The following SATB1 variants were observed in gnomAD, a reference collection of about 807,000 sequenced individuals.
SATB1 encodes DNA-binding protein SATB1.
SATB1 carries 11 observed loss-of-function variants against 86.9 expected under a neutral mutation model. The ratio of observed to expected loss-of-function variants is 0.13; its 90% CI spans 0.08 to 0.21. SATB1 has a LOEUF of 0.21. Among genes scored for constraint, SATB1 ranks in the 10% least tolerant of loss-of-function variants. The pLI is 1.00. For synonymous variants in SATB1, 357 were observed against 357.2 expected (o/e 1.00, Z 0.01); for missense variants, 551 against 937.6 (o/e 0.59, Z 5.39).
At chr3:18,368,703 CA>C (rs112784731) in intron 9 of SATB1, among the ~76,000 whole-genome samples, 199 of 151,972 alleles carry the variant, frequency 1.3e-3, no homozygotes, top group African/African-American at 4.5e-3. Context: ...AGTCATAAAA[CA>C]AAAATAAAGA....
At position 18,345,592 on chromosome 3, in the gene SATB1, T is replaced by G. The variant is rs1234711150; in HGVS notation, c.*3578A>C. On this transcript the variant is annotated 3_prime_UTR_variant, in exon 11 of 11. Transcript: ENST00000338745. ...AAAAGGATTGCCTCAGAAGAAACAT[T>G]GAATTCATAAGCCCTCTTAAAAAGT... 2.0e-5 allele frequency: 3 copies of G among 152,066 alleles called. No homozygotes were observed. Among genetic ancestry groups the G allele is most frequent in the Non-Finnish European group, 4.4e-5 (3 of 67,946 alleles). The allele number at this position is 152,066 out of a possible 1,614,324, so 9.4% of individuals were successfully genotyped here.
chr3:18,358,891 TA>T, intron 9 of SATB1, among the ~76,000 whole-genome samples: 1 of 152,112 alleles, frequency 6.6e-6, no homozygotes, highest in Middle Eastern at 3.4e-3. Context: ...ACTGGGGTAA[TA>T]ATAGGACATA....
chr3:18,444,278 A>T lies in SATB1; in HGVS notation c.-25+1240T>A, dbSNP rs1264751670. Among the ~76,000 whole-genome samples the T allele has an allele frequency of 6.6e-6, 1 of 151,784 alleles. No homozygotes were observed. Among genetic ancestry groups the T allele is most frequent in the Non-Finnish European group, 1.5e-5 (1 of 67,972 alleles). Reference sequence around the variant, plus strand: ...TTTTCTAAAAGGGGCCATACCGGTGACCTGAAGGAGTTTGTTCAGCCAGGG... The same window carrying T: ...TTTTCTAAAAGGGGCCATACCGGTGTCCTGAAGGAGTTTGTTCAGCCAGGG... On this transcript the variant is annotated intron_variant, in intron 1 of 3. Transcript: ENST00000415069. The surrounding 1 kb of genome is among the most constrained non-coding windows in gnomAD (Gnocchi z 5.1).
At chr3:18,351,858 A>T in intron 10 of SATB1, 134 bp downstream of exon 10, 1 of 761,772 alleles carries the variant, frequency 1.3e-6, no homozygotes, top group East Asian at 2.5e-5. Context: ...CCTGAGCAAG[A>T]TGGCAGTGTA....
At chr3:18,406,083 G>A (rs1284507041) in intron 5 of SATB1, among the ~76,000 whole-genome samples, 1 of 151,972 alleles carries the variant, frequency 6.6e-6, no homozygotes, top group East Asian at 1.9e-4. Flanking sequence ...CACTAAACAT[G>A]TGTTTTCCAG....
In SATB1 at chr3:18,386,661, G is replaced by T. The variant is rs1696359566; in HGVS notation, c.1207-50C>A. ...TGAGCCTGCTGCCTTGCTTTGCCTG[G>T]CCAGCAGTGATCCTTCCCTTTTCTT... On this transcript the variant is annotated intron_variant, in intron 7 of 10. Transcript: ENST00000338745. This position sits in a 1 kb window ranked among gnomAD's most constrained non-coding sequence, Gnocchi z 4.5. 6.8e-7 allele frequency: 1 copy of T among 1,464,236 alleles called. No individual in the cohort carries two copies. The highest frequency in any genetic ancestry group is 9.6e-7 in the Non-Finnish European group (1 of 1,045,650). The allele number at this position is 1,464,236 out of a possible 1,614,324, so 90.7% of individuals were successfully genotyped here. A position where few individuals can be genotyped will look rare whatever the true frequency, so the allele number is the denominator to read the frequency against.
upstream of SATB1, among the ~76,000 whole-genome samples, chr3:18,427,854 C>T (rs1002659245): frequency 6.6e-6 from 1 of 152,022 alleles, no homozygotes; most frequent in Non-Finnish European, 1.5e-5. Flanking sequence ...ATAAACTTTC[C>T]CTCAAGCACA....
chr3:18,441,324 C>G (rs1050547603), upstream of SATB1, among the ~76,000 whole-genome samples: 9 of 152,012 alleles, frequency 5.9e-5, no homozygotes, highest in African/African-American at 2.2e-4. Context: ...AAATAAGAAC[C>G]CATCTTATCT....
At chr3:18,434,739 A>C (rs1286563327) in intron 2 of SATB1, among the ~76,000 whole-genome samples, 1 of 152,072 alleles carries the variant, frequency 6.6e-6, no homozygotes, top group Non-Finnish European at 1.5e-5. Context: ...GATCACATAA[A>C]AAATCTCTTT....
intron 9 of SATB1, among the ~76,000 whole-genome samples, chr3:18,358,222 A>C (rs1034939273): frequency 2.0e-5 from 3 of 151,984 alleles, no homozygotes; most frequent in African/African-American, 7.2e-5. Context: ...ATCATCATAT[A>C]ATTTAATATA....
intron 9 of SATB1, among the ~76,000 whole-genome samples, chr3:18,356,839 T>C (rs2125137026): frequency 6.6e-6 from 1 of 151,982 alleles, no homozygotes; most frequent in East Asian, 1.9e-4. Flanking sequence ...TTATAAAGCC[T>C]CACATGCATA....
At chr3:18,429,790 T>C (rs1432415976), upstream of SATB1, among the ~76,000 whole-genome samples, 1 of 152,236 alleles carries the variant, frequency 6.6e-6, no homozygotes, top group Admixed American at 6.5e-5. The surrounding 1 kb of genome is among the most constrained non-coding windows in gnomAD (Gnocchi z 4.1). Context: ...ATTAACAATT[T>C]GGGTAATTAC....
chr3:18,407,628 A>G (rs1042239844), intron 5 of SATB1, among the ~76,000 whole-genome samples: 1 of 152,012 alleles, frequency 6.6e-6, no homozygotes, highest in African/African-American at 2.4e-5. Context: ...TGAGTCATGG[A>G]GTCAGCTGCC....
chr3:18,352,172 G>C lies in SATB1; in HGVS notation c.1599C>G (p.Arg533=). Residue 533 remains arginine (R), a synonymous_variant, in exon 10 of 11, where the codon CGC becomes CGG. Transcript: ENST00000338745. The surrounding 1 kb of genome is among the most constrained non-coding windows in gnomAD (Gnocchi z 4.1). The part of the protein sequence containing the change: ...KSQGWLCELL[R]WKEDPSPENR... ...TTTCTGGAGAAGGATCTTCTTTCCA[G>C]CGTAACAGCTCGCACAACCATCCCT... 1 of 1,614,172 alleles carries C rather than the reference G, an allele frequency of 6.2e-7. No individual in the cohort carries two copies. Among genetic ancestry groups the C allele is most frequent in the Non-Finnish European group, 8.5e-7 (1 of 1,180,032 alleles).
At chr3:18,403,032 T>C (rs1379436116) in intron 5 of SATB1, among the ~76,000 whole-genome samples, 1 of 152,110 alleles carries the variant, frequency 6.6e-6, no homozygotes, top group Non-Finnish European at 1.5e-5. Flanking sequence ...TAAGGGTGAA[T>C]AGCAAGAGAT....
chr3:18,356,312 C>T (rs900513098), intron 9 of SATB1, among the ~76,000 whole-genome samples: 3 of 150,562 alleles, frequency 2.0e-5, no homozygotes, highest in Admixed American at 6.6e-5. Flanking sequence ...GTCTTGCTAC[C>T]GTAAGCAAGA....
chr3:18,436,728 T>C (rs1373169813), intron 2 of SATB1: 4 of 152,248 alleles, frequency 2.6e-5, no homozygotes, highest in Non-Finnish European at 5.9e-5. Context: ...ATGAACTTTC[T>C]GTTTTATATA....
rs570395603 is a variant in SATB1, at chr3:18,416,483, C to G, written c.389-350G>C. On this transcript the variant is annotated intron_variant, in intron 3 of 10. Transcript: ENST00000338745. ...ATGATTTAGATAAGATTCTCTATTGCAGTGGGAATCAGCATTGAAAAATAC... is the reference window on the plus strand; with the variant it reads ...ATGATTTAGATAAGATTCTCTATTGGAGTGGGAATCAGCATTGAAAAATAC... Among the ~76,000 whole-genome samples the G allele has an allele frequency of 7.2e-5, 11 of 152,162 alleles. No homozygotes were observed. In the East Asian group the frequency reaches 2.1e-3, roughly 29 times the overall value.
chr3:18,357,097 A>G (rs984751753), intron 9 of SATB1, among the ~76,000 whole-genome samples: 1 of 151,882 alleles, frequency 6.6e-6, no homozygotes, highest in African/African-American at 2.4e-5. Context: ...ACAGAATGGT[A>G]ATTTGAGTTC....
Sources: gnomAD v4.1 joint callset for allele counts (sites outside exome capture counted in the v4.1 genomes callset) on GRCh38, gnomAD v4.1.1 for gene constraint, Gnocchi (gnomAD v3.1) non-coding constraint, MANE v1.5 for transcripts, NCBI Gene and HGNC (gene_info 2026-07-23, HGNC 2026-07-21) for gene names.